The following KIAA1549 variants were observed in gnomAD, a reference collection of about 807,000 sequenced individuals.
KIAA1549 encodes the protein KIAA1549.
KIAA1549 carries 70 observed loss-of-function variants against 156.4 expected under a neutral mutation model. The observed-to-expected ratio is 0.45, with a 90% CI of 0.37 to 0.55. KIAA1549 has a LOEUF of 0.55. Among genes scored for constraint, KIAA1549 ranks in the 20% least tolerant of loss-of-function variants. The pLI, the probability that KIAA1549 is intolerant of heterozygous loss-of-function variation, is 0.00. For missense variants in KIAA1549, 2,428 were observed against 2,540.9 expected (o/e 0.96, Z 0.96); for synonymous variants, 1,103 against 1,066.4 (o/e 1.03, Z -0.67).
intron 1 of KIAA1549, among the ~76,000 whole-genome samples, chr7:138,963,388 T>C (rs747700124): frequency 1.3e-5 from 2 of 152,132 alleles, no homozygotes; most frequent in African/African-American, 2.4e-5. Context: ...CCCAGCCTGA[T>C]AGGGTACACA....
chr7:138,861,478 G>C, intron 15 of KIAA1549, 22 bp from the exon 16 acceptor site: 3 of 1,584,906 alleles, frequency 1.9e-6, no homozygotes, highest in East Asian at 2.3e-5. Context: ...AATGGCAAAG[G>C]AAGAATCACA....
At chr7:138,976,140 G>A (rs1264137674) in intron 1 of KIAA1549, among the ~76,000 whole-genome samples, 2 of 152,012 alleles carry the variant, frequency 1.3e-5, no homozygotes, top group African/African-American at 4.8e-5. Context: ...GCAGTGGCGC[G>A]ATCTCATTTC....
intron 12 of KIAA1549, among the ~76,000 whole-genome samples, chr7:138,874,980 G>A (rs1811039027): frequency 6.6e-6 from 1 of 152,072 alleles, no homozygotes; most frequent in African/African-American, 2.4e-5. Flanking sequence ...GGGCAACAGA[G>A]TGAGACCGTG....
At chr7:138,845,064 G>A (rs2130336150) in intron 17 of KIAA1549, among the ~76,000 whole-genome samples, 1 of 151,968 alleles carries the variant, frequency 6.6e-6, no homozygotes, top group East Asian at 1.9e-4. Flanking sequence ...GACCTCTTTT[G>A]ACTCATAAAA....
At chr7:138,851,422 T>C (rs1357738031) in intron 17 of KIAA1549, among the ~76,000 whole-genome samples, 4 of 152,184 alleles carry the variant, frequency 2.6e-5, no homozygotes, top group Non-Finnish European at 5.9e-5. Context: ...ATGGACCTTA[T>C]CTCCATATTA....
rs773813786 is a variant in KIAA1549, at chr7:138,911,329, G to A, written c.2968-6C>T. The A allele has an allele frequency of 3.2e-6, 5 of 1,554,166 alleles. No individual in the cohort carries two copies. Among genetic ancestry groups the A allele is most frequent in the Non-Finnish European group, 4.4e-6 (5 of 1,143,622 alleles). On this transcript the variant is annotated splice_region_variant and splice_polypyrimidine_tract_variant and intron_variant, in intron 3 of 19. Coordinates refer to ENST00000422774, the MANE Select transcript of KIAA1549 (RefSeq NM_001164665.2). ...TCAGTAAATAGTTCGTAAACCTAGG[G>A]AAATAAGAAATACAAAGACAATTCA...
chr7:138,950,065 G>C (rs1057278532), intron 1 of KIAA1549, among the ~76,000 whole-genome samples: 1 of 152,174 alleles, frequency 6.6e-6, no homozygotes, highest in Admixed American at 6.5e-5. Context: ...TGTATGGCAG[G>C]ATTGCCATGT....
rs199643281 is a variant in KIAA1549, at chr7:138,833,686, CAGAT to C, written c.*4216_*4219del. On this transcript the variant is annotated 3_prime_UTR_variant, in exon 20 of 20. Transcript: ENST00000422774. ...ATAGACAGATACATAGACAGACAGA[CAGAT>C]AGATAACCCACTATGCTCCACAAAG... 571 of 232,800 alleles carry C rather than the reference CAGAT, an allele frequency of 2.5e-3. 2 individuals are homozygous for C. The highest frequency in any genetic ancestry group is 8.9e-3 in the Middle Eastern group (7 of 784). 14.4% of individuals were successfully genotyped at this position (232,800 alleles called of 1,614,324 possible).
intron 12 of KIAA1549, among the ~76,000 whole-genome samples, chr7:138,872,869 A>G (rs550376023): frequency 1.6e-4 from 24 of 152,278 alleles, no homozygotes; most frequent in African/African-American, 5.8e-4. Flanking sequence ...ATGTCTCTAC[A>G]TTCCAGCCTG....
rs1255295229 is a variant in KIAA1549, at chr7:138,898,979, G to A, written c.3823C>T (p.Arg1275Ter). ...CGCTGGGCAATGACACCTTGAATTC[G>A]GTAACCCAAGATGATGGCTGCTCTC... ...LQRAAIILGY[R>*]IQGVIAQPVD... Residue 1275 changes from arginine to a stop codon, truncating the protein, a stop_gained, in exon 9 of 20, where the codon CGA becomes TGA. Coordinates refer to ENST00000422774, the MANE Select transcript of KIAA1549 (RefSeq NM_001164665.2). LOFTEE classifies it high-confidence loss of function. 8 of 1,613,720 alleles carry A rather than the reference G, an allele frequency of 5.0e-6. No homozygotes were observed. Among genetic ancestry groups the A allele is most frequent in the Non-Finnish European group, 5.9e-6 (7 of 1,179,728 alleles).
chr7:138,855,898 A>T (rs188688355), intron 16 of KIAA1549, among the ~76,000 whole-genome samples: 3 of 152,230 alleles, frequency 2.0e-5, no homozygotes, highest in Admixed American at 2.0e-4. Flanking sequence ...CTGAGGATAA[A>T]AACCATGAGA....
chr7:138,961,854 A>C (rs1813862399), intron 1 of KIAA1549, among the ~76,000 whole-genome samples: 2 of 151,262 alleles, frequency 1.3e-5, no homozygotes, highest in Admixed American at 1.3e-4. Flanking sequence ...AAGAAAAAAA[A>C]AAAAAAAGAA....
chr7:138,841,603 A>G (rs1263098276), intron 18 of KIAA1549, among the ~76,000 whole-genome samples: 2 of 152,256 alleles, frequency 1.3e-5, no homozygotes, highest in Admixed American at 6.5e-5. Flanking sequence ...TGGAAATTTC[A>G]TCAAATTCAC....
Position 138,837,770 on chromosome 7 carries a change from T to C in KIAA1549, c.*136A>G. On this transcript the variant is annotated 3_prime_UTR_variant, in exon 20 of 20. Coordinates refer to ENST00000422774, the MANE Select transcript of KIAA1549 (RefSeq NM_001164665.2). The stretch of plus-strand genomic sequence containing the variant: ...CACACGACGTATGGCATCTTCTAAA[T>C]TGCAACTTGCTCCCTCCCTTGGGCA... 1 of 944,730 alleles carries C rather than the reference T, an allele frequency of 1.1e-6. No homozygotes were observed. Among genetic ancestry groups the C allele is most frequent in the Non-Finnish European group, 1.6e-6 (1 of 641,640 alleles). The allele number at this position is 944,730 out of a possible 1,614,324, so 58.5% of individuals were successfully genotyped here. A position where few individuals can be genotyped will look rare whatever the true frequency, so the allele number is the denominator to read the frequency against.
At position 138,900,559 on chromosome 7, in the gene KIAA1549, A is replaced by G. The variant is rs1811812557; in HGVS notation, c.3670-1427T>C. On this transcript the variant is annotated intron_variant, in intron 8 of 19. Coordinates refer to ENST00000422774, the MANE Select transcript of KIAA1549 (RefSeq NM_001164665.2). ...AGATTCTACAAGTCTGTCTAGTGCTACAGTTTGGATGTTGGACCCCCTCCA... is the reference window on the plus strand; with the variant it reads ...AGATTCTACAAGTCTGTCTAGTGCTGCAGTTTGGATGTTGGACCCCCTCCA... 7.2e-5 allele frequency among the ~76,000 whole-genome samples: 11 copies of G among 152,334 alleles called. No individual in the cohort carries two copies. In the South Asian group the frequency reaches 2.3e-3, roughly 32 times the overall value.
At chr7:138,977,476 G>A (rs1220476077) in intron 1 of KIAA1549, among the ~76,000 whole-genome samples, 2 of 152,154 alleles carry the variant, frequency 1.3e-5, no homozygotes, top group East Asian at 1.9e-4. Flanking sequence ...AGGCCCCTGC[G>A]TAAGCTTCAA....
At chr7:138,887,286 T>C (rs920334125) in intron 10 of KIAA1549, among the ~76,000 whole-genome samples, 3 of 152,186 alleles carry the variant, frequency 2.0e-5, no homozygotes, top group Non-Finnish European at 2.9e-5. Context: ...TATTAAATAT[T>C]TATTTACATA....
rs775506026 is a variant in KIAA1549 at position 138,868,058 on chromosome 7, T to C, written c.4846A>G (p.Lys1616Glu). ...QVNGCPADAE[K>E]DRLITTDSDG... ...CTGTCTGTGGTGATGAGCCGGTCCT[T>C]CTCAGCGTCGGCAGGACAGCCGTTG... is the stretch of plus-strand genomic sequence containing the variant. The change falls in exon 15 of 20, where the codon AAG becomes GAG. Residue 1616 changes from lysine to glutamate, a missense_variant. Around this residue, in one of 5 missense-constraint regions of KIAA1549, gnomAD observed 404 missense variants for 417.0 expected, o/e 0.97. Transcript: ENST00000422774. 1.2e-6 allele frequency: 2 copies of C among 1,613,878 alleles called. No homozygotes were observed. Among genetic ancestry groups the C allele is most frequent in the East Asian group, 4.5e-5 (2 of 44,876 alleles).
intron 16 of KIAA1549, among the ~76,000 whole-genome samples, chr7:138,859,278 T>C (rs1810486257): frequency 6.6e-6 from 1 of 152,066 alleles, no homozygotes; most frequent in Non-Finnish European, 1.5e-5. Flanking sequence ...TCCAGCCTCA[T>C]TTACTCTTAA....
Sources: allele counts gnomAD v4.1 joint callset (sites outside exome capture counted in the v4.1 genomes callset), GRCh38; gene constraint gnomAD v4.1.1; regional missense constraint gnomAD v4.1.1; transcripts MANE v1.5; gene names NCBI Gene and HGNC (gene_info 2026-07-23, HGNC 2026-07-21).